PDE4B: variants seen among roughly 807,000 people sequenced by gnomAD.
PDE4B encodes the protein 3',5'-cyclic-AMP phosphodiesterase 4B.
Under a neutral mutation model 82.2 loss-of-function variants are expected in PDE4B, and 20 were observed. The ratio of observed to expected loss-of-function variants is 0.24; its 90% CI spans 0.17 to 0.35. The LOEUF is 0.35. Among genes scored for constraint, PDE4B ranks in the 10% least tolerant of loss-of-function variants. The pLI, the probability that PDE4B is intolerant of heterozygous loss-of-function variation, is 1.00. For synonymous variants in PDE4B, 320 were observed against 318.9 expected (o/e 1.00, Z -0.04); for missense variants, 655 against 907.2 (o/e 0.72, Z 3.57).
intron 7 of PDE4B, among the ~76,000 whole-genome samples, chr1:66,331,305 C>G (rs1239196326): frequency 6.6e-6 from 1 of 152,090 alleles, no homozygotes; most frequent in Non-Finnish European, 1.5e-5. Context: ...TTTCAGAAAT[C>G]TTGGTAGAGT....
chr1:66,090,621 A>ATATATATGTGTGTGTGTGTG, intron 3 of PDE4B, among the ~76,000 whole-genome samples: 12 of 122,728 alleles, frequency 9.8e-5, no homozygotes, highest in African/African-American at 4.1e-4. Context: ...TATATAATAT[A>ATATATATGTGTGTGTGTGTG]TGTGTGTGTG....
chr1:65,902,242 C>A lies in PDE4B; in HGVS notation c.-70-11003C>A, dbSNP rs1403571875. ...CTTAGAGTAGCATGCAATGTTTTAACACTTTCTTATATTGATTATGTGTTA... is the reference window on the plus strand; with the variant it reads ...CTTAGAGTAGCATGCAATGTTTTAAAACTTTCTTATATTGATTATGTGTTA... On this transcript the variant is annotated intron_variant, in intron 1 of 16. Transcript: ENST00000341517. 3.3e-5 allele frequency among the ~76,000 whole-genome samples: 5 copies of A among 151,996 alleles called. No homozygotes were observed. The East Asian group carries it at 9.6e-4, about 29-fold the overall frequency.
At chr1:66,301,059 G>A (rs529950323) in intron 7 of PDE4B, among the ~76,000 whole-genome samples, 5 of 152,234 alleles carry the variant, frequency 3.3e-5, no homozygotes, top group South Asian at 4.2e-4. Flanking sequence ...ATGAGCATGC[G>A]GTGTGGCTCT....
chr1:66,364,117 T>C (rs1044199867), intron 12 of PDE4B, among the ~76,000 whole-genome samples: 1 of 152,162 alleles, frequency 6.6e-6, no homozygotes, highest in Admixed American at 6.6e-5. Flanking sequence ...ATATTCTCAA[T>C]ATGCAATTAC....
At chr1:65,836,803 G>A (rs2101322525) in intron 1 of PDE4B, among the ~76,000 whole-genome samples, 2 of 152,238 alleles carry the variant, frequency 1.3e-5, no homozygotes, top group East Asian at 3.9e-4. Flanking sequence ...GCTTATCCAT[G>A]GTAGAGAGGA....
intron 3 of PDE4B, among the ~76,000 whole-genome samples, chr1:66,102,948 A>G (rs1645256012): frequency 6.6e-6 from 1 of 152,124 alleles, no homozygotes; most frequent in South Asian, 2.1e-4. Flanking sequence ...AATAAACCAC[A>G]GTCTACTTCT....
intron 7 of PDE4B, among the ~76,000 whole-genome samples, chr1:66,304,868 C>T (rs1415901043): frequency 1.3e-5 from 2 of 152,274 alleles, no homozygotes; most frequent in East Asian, 1.9e-4. Context: ...TAAACCCATA[C>T]TCAGCTTTTC....
At chr1:65,905,077 T>C (rs143127044) in intron 1 of PDE4B, among the ~76,000 whole-genome samples, 70 of 152,260 alleles carry the variant, frequency 4.6e-4, no homozygotes, top group Non-Finnish European at 8.7e-4. Flanking sequence ...CATTCAAACA[T>C]TTTCCAGCAA....
chr1:66,097,403 C>T (rs1645138614), intron 3 of PDE4B, among the ~76,000 whole-genome samples: 1 of 151,976 alleles, frequency 6.6e-6, no homozygotes, highest in Non-Finnish European at 1.5e-5. Context: ...ATTCATATTT[C>T]TTCCTTGGTG....
At chr1:66,306,442 G>A (rs1433023302) in intron 7 of PDE4B, among the ~76,000 whole-genome samples, 1 of 152,006 alleles carries the variant, frequency 6.6e-6, no homozygotes, top group African/African-American at 2.4e-5. Flanking sequence ...AAGGAAAGAG[G>A]GCACTGAATG....
intron 3 of PDE4B, among the ~76,000 whole-genome samples, chr1:66,169,963 T>C (rs1046989935): frequency 6.6e-6 from 1 of 152,224 alleles, no homozygotes; most frequent in African/African-American, 2.4e-5. Context: ...GATTGTTAAG[T>C]CATTTGTATT....
chr1:65,984,976 CAAAT>C (rs1232237292), intron 3 of PDE4B, among the ~76,000 whole-genome samples: 1 of 151,890 alleles, frequency 6.6e-6, no homozygotes, highest in African/African-American at 2.4e-5. Flanking sequence ...CAAGTCTTGA[CAAAT>C]AAAATTCTAT....
chr1:66,228,373 A>G (rs533652828), intron 3 of PDE4B, among the ~76,000 whole-genome samples: 2 of 152,234 alleles, frequency 1.3e-5, no homozygotes, highest in African/African-American at 2.4e-5. Context: ...ATAAGAAATC[A>G]TGCAACTTTG....
chr1:65,980,925 A>G (rs1383757172), intron 3 of PDE4B, among the ~76,000 whole-genome samples: 1 of 152,192 alleles, frequency 6.6e-6, no homozygotes, highest in Non-Finnish European at 1.5e-5. Flanking sequence ...TAAATTACCA[A>G]AAATAAAATA....
At chr1:66,350,397 A>G (rs1040990327) in intron 8 of PDE4B, among the ~76,000 whole-genome samples, 1 of 151,918 alleles carries the variant, frequency 6.6e-6, no homozygotes, top group African/African-American at 2.4e-5. Flanking sequence ...CTCTGTTCTT[A>G]CAGTTTTCTC....
intron 1 of PDE4B, among the ~76,000 whole-genome samples, chr1:65,827,919 T>G (rs893897222): frequency 6.6e-6 from 1 of 152,124 alleles, no homozygotes; most frequent in Non-Finnish European, 1.5e-5. Flanking sequence ...AAAGTCATAT[T>G]ATCTGCAGAA....
At chr1:66,313,664 C>T (rs1422701919) in intron 7 of PDE4B, among the ~76,000 whole-genome samples, 2 of 152,204 alleles carry the variant, frequency 1.3e-5, no homozygotes, top group Non-Finnish European at 2.9e-5. Flanking sequence ...ATTTATCACT[C>T]ATAGCTTTGC....
intron 8 of PDE4B, among the ~76,000 whole-genome samples, chr1:66,338,834 C>G (rs1398563526): frequency 6.6e-6 from 1 of 151,564 alleles, no homozygotes; most frequent in African/African-American, 2.4e-5. Context: ...CCGGCTAAAA[C>G]GGTGAAACCC....
In PDE4B at chr1:66,367,679, T is replaced by G; in HGVS notation, c.1385-17T>G. On this transcript the variant is annotated splice_polypyrimidine_tract_variant and intron_variant, in intron 13 of 16. Transcript: ENST00000341517. The stretch of plus-strand genomic sequence containing the variant: ...TATCCCTTTTTAATTAAGTCATCAT[T>G]TGGTCTGATTTATTAGATTCAGAAC... 1 of 1,588,668 alleles carries G rather than the reference T, an allele frequency of 6.3e-7. No individual in the cohort carries two copies. The highest frequency in any genetic ancestry group is 8.6e-7 in the Non-Finnish European group (1 of 1,164,114).
Sources: gnomAD v4.1 joint callset for allele counts (sites outside exome capture counted in the v4.1 genomes callset) on GRCh38, gnomAD v4.1.1 for gene constraint, MANE v1.5 for transcripts, NCBI Gene and HGNC (gene_info 2026-07-23, HGNC 2026-07-21) for gene names.